The following ZNF569 variants were observed in gnomAD, a reference collection of about 807,000 sequenced individuals.
ZNF569 encodes zinc finger protein 569.
In ZNF569, 38 loss-of-function variants were observed where a neutral mutation model predicts 56.3. The ratio of observed to expected loss-of-function variants is 0.68; its 90% CI spans 0.52 to 0.88. The LOEUF (loss-of-function observed/expected upper bound fraction) is 0.88, where lower values mean the gene tolerates loss of function less well. Among genes scored for constraint, ZNF569 ranks in the 40% least tolerant of loss-of-function variants. The pLI is 0.00. For synonymous variants in ZNF569, 241 were observed against 262.9 expected (o/e 0.92, Z 0.81); for missense variants, 666 against 809.2 (o/e 0.82, Z 2.15).
At chr19:37,452,222 G>T (rs1306926012) in intron 2 of ZNF569, among the ~76,000 whole-genome samples, 1 of 152,122 alleles carries the variant, frequency 6.6e-6, no homozygotes, top group East Asian at 1.9e-4. Context: ...CCCACATTTG[G>T]TTATAACTGT....
At chr19:37,425,596 C>G (rs993974664) in intron 5 of ZNF569, 1 of 215,060 alleles carries the variant, frequency 4.6e-6, no homozygotes, top group Non-Finnish European at 9.2e-6. Context: ...GCAGGGATTA[C>G]AGGCGCAAGC....
rs1196345524 is a variant in ZNF569 at position 37,425,850 on chromosome 19, TG to T, written c.238+17del. 1 of 1,598,548 alleles carries T rather than the reference TG, an allele frequency of 6.3e-7. No individual in the cohort carries two copies. The highest frequency in any genetic ancestry group is 1.1e-5 in the South Asian group (1 of 90,778). On this transcript the variant is annotated intron_variant, in intron 5 of 5. Transcript: ENST00000316950. ...AGGCCCTGACCTCTCCTCACCTGTC[TG>T]GTTCCCTTCCACTAACCTTGCCAGT... is the stretch of plus-strand genomic sequence containing the variant.
At chr19:37,468,078 T>TC, upstream of ZNF569, 2 of 736,684 alleles carry the variant, frequency 2.7e-6, no homozygotes, top group South Asian at 3.6e-5. Flanking sequence ...CGTGTTTTTT[T>TC]TTTTTTGTTT....
intron 3 of ZNF569, among the ~76,000 whole-genome samples, chr19:37,442,412 G>C (rs1210173911): frequency 6.6e-6 from 1 of 152,150 alleles, no homozygotes; most frequent in Non-Finnish European, 1.5e-5. Context: ...GTTAGTGAGG[G>C]TGAAACACAG....
At chr19:37,459,771 A>C (rs989758415) in intron 2 of ZNF569, among the ~76,000 whole-genome samples, 3 of 152,212 alleles carry the variant, frequency 2.0e-5, no homozygotes, top group Non-Finnish European at 4.4e-5. Flanking sequence ...GGATAAGTGA[A>C]ATGAATGACA....
intron 1 of ZNF569, among the ~76,000 whole-genome samples, chr19:37,465,898 C>G (rs890605697): frequency 6.6e-6 from 1 of 152,164 alleles, no homozygotes; most frequent in African/African-American, 2.4e-5. Flanking sequence ...CACCCATCAA[C>G]AGGGGTAAAC....
chr19:37,451,916 T>A (rs1402323612), intron 2 of ZNF569, among the ~76,000 whole-genome samples: 1 of 152,232 alleles, frequency 6.6e-6, no homozygotes, highest in Admixed American at 6.5e-5. Context: ...GGGAGTTTAA[T>A]GTGCGTTTCC....
In ZNF569 at chr19:37,412,841, T is replaced by C; in HGVS notation, c.1817A>G (p.Tyr606Cys). ...GGCTTTTCCACATTTATTACATTCA[T>C]AGGGTTTTTCACCTGTATGGCCTCT... ...HMRGHTGEKP[Y>C]ECNKCGKAFS... Residue 606 changes from tyrosine to cysteine, a missense_variant, in exon 6 of 6, where the codon TAT becomes TGT. Coordinates refer to ENST00000316950, the MANE Select transcript of ZNF569 (RefSeq NM_152484.3). 1 of 1,614,054 alleles carries C rather than the reference T, an allele frequency of 6.2e-7. No homozygotes were observed. Among genetic ancestry groups the C allele is most frequent in the Non-Finnish European group, 8.5e-7 (1 of 1,179,960 alleles).
Position 37,411,519 on chromosome 19 carries a change from A to AT in ZNF569, c.*1077dup, listed in dbSNP as rs1338890001. 6.6e-6 allele frequency: 1 copy of AT among 152,160 alleles called. No individual in the cohort carries two copies. The highest frequency in any genetic ancestry group is 1.5e-5 in the Non-Finnish European group (1 of 67,990). 9.4% of individuals were successfully genotyped at this position (152,160 alleles called of 1,614,324 possible). A position where few individuals can be genotyped will look rare whatever the true frequency, so the allele number is the denominator to read the frequency against. ...CCATGATTCAGGAACACAGTGATATATATCTCTTTGTGTACATTTGTGGGT... is the reference window on the plus strand; with the variant it reads ...CCATGATTCAGGAACACAGTGATATATTATCTCTTTGTGTACATTTGTGGGT... On this transcript the variant is annotated 3_prime_UTR_variant, in exon 6 of 6. Coordinates refer to ENST00000316950, the MANE Select transcript of ZNF569 (RefSeq NM_152484.3).
In ZNF569 at chr19:37,412,903, T is replaced by G. The variant is rs2146846581; in HGVS notation, c.1755A>C (p.Lys585Asn). 6.2e-7 allele frequency: 1 copy of G among 1,613,866 alleles called. No homozygotes were observed. Among genetic ancestry groups the G allele is most frequent in the Non-Finnish European group, 8.5e-7 (1 of 1,179,918 alleles). Reference sequence around the variant, plus strand: ...TAAGGGAAGTTCTTTGAGAGAAGGCTTTCCCACATTCATTACATACATAGG... The same window carrying G: ...TAAGGGAAGTTCTTTGAGAGAAGGCGTTCCCACATTCATTACATACATAGG... ...EKPYVCNECG[K>N]AFSQRTSLIV... Residue 585 changes from lysine to asparagine, a missense_variant, in exon 6 of 6, where the codon AAA becomes AAC. By Grantham distance (94) the Lys-to-Asn change is moderately conservative. Transcript: ENST00000316950.
rs544773022 is a variant in ZNF569, at chr19:37,436,606, C to A, written c.15+8301G>T. Among the ~76,000 whole-genome samples, 7 of 150,496 alleles carry A rather than the reference C, an allele frequency of 4.7e-5. No homozygotes were observed. The East Asian group carries it at 1.2e-3, about 25-fold the overall frequency. Reference sequence around the variant, plus strand: ...CTAGACTAAGAAAAAAAGAGAAGACCCAAATAAGTAAAATCAGAGATGAAA... The same window carrying A: ...CTAGACTAAGAAAAAAAGAGAAGACACAAATAAGTAAAATCAGAGATGAAA... On this transcript the variant is annotated intron_variant, in intron 3 of 5. Coordinates refer to ENST00000316950, the MANE Select transcript of ZNF569 (RefSeq NM_152484.3).
chr19:37,420,755 A>G (rs543141041), intron 5 of ZNF569, among the ~76,000 whole-genome samples: 2 of 152,330 alleles, frequency 1.3e-5, no homozygotes, highest in Non-Finnish European at 1.5e-5. Flanking sequence ...TGAGTCATGA[A>G]TATTCATAAT....
chr19:37,452,092 T>G (rs2041603088), intron 2 of ZNF569, among the ~76,000 whole-genome samples: 1 of 152,166 alleles, frequency 6.6e-6, no homozygotes, highest in Admixed American at 6.5e-5. Flanking sequence ...CTATGGGTAA[T>G]TTCTGGCATA....
chr19:37,424,402 C>A (rs867179349), intron 5 of ZNF569, among the ~76,000 whole-genome samples: 1 of 152,088 alleles, frequency 6.6e-6, no homozygotes, highest in African/African-American at 2.4e-5. Flanking sequence ...ATCTAGCACA[C>A]AGGTAAGAAA....
At chr19:37,468,226 C>T (rs892047721), upstream of ZNF569, among the ~76,000 whole-genome samples, 1 of 151,820 alleles carries the variant, frequency 6.6e-6, no homozygotes, top group Non-Finnish European at 1.5e-5. Flanking sequence ...ACTGGGACCA[C>T]AATCAAGGGA....
chr19:37,454,881 G>C (rs1306189690), intron 2 of ZNF569: 1 of 702,352 alleles, frequency 1.4e-6, no homozygotes, highest in Non-Finnish European at 2.6e-6. Context: ...AGTAAAGCTT[G>C]AGTCCTGTTT....
intron 5 of ZNF569, among the ~76,000 whole-genome samples, chr19:37,420,504 CAGG>C (rs1391850354): frequency 1.3e-5 from 2 of 152,108 alleles, no homozygotes; most frequent in Non-Finnish European, 2.9e-5. Context: ...GCATCTTCAC[CAGG>C]AGTAGATCCT....
intron 5 of ZNF569, 144 bp from the exon 6 acceptor site, chr19:37,414,563 A>G: frequency 4.6e-6 from 6 of 1,300,382 alleles, no homozygotes; most frequent in East Asian, 2.7e-5. Flanking sequence ...TCAACTGCAT[A>G]TATCTCTTAT....
intron 2 of ZNF569, among the ~76,000 whole-genome samples, chr19:37,448,321 T>G (rs2041532297): frequency 6.6e-6 from 1 of 152,138 alleles, no homozygotes; most frequent in African/African-American, 2.4e-5. Flanking sequence ...TTCAAAAAAT[T>G]TACTCATTCA....
Sources: allele counts gnomAD v4.1 joint callset (sites outside exome capture counted in the v4.1 genomes callset), GRCh38; gene constraint gnomAD v4.1.1; transcripts MANE v1.5; gene names NCBI Gene and HGNC (gene_info 2026-07-23, HGNC 2026-07-21).